SRD5A2: variants seen among roughly 807,000 people sequenced by gnomAD.
The protein encoded by SRD5A2 is steroid 5 alpha-reductase 2, also known as 3-oxo-5-alpha-steroid 4-dehydrogenase 2.
Under a neutral mutation model 27.4 loss-of-function variants are expected in SRD5A2, and 30 were observed. The observed-to-expected ratio is 1.10, with a 90% confidence interval of 0.82 to 1.49. The LOEUF is 1.49. Among genes scored for constraint, SRD5A2 ranks in the 40% most tolerant of loss-of-function variants. The pLI, the probability that SRD5A2 is intolerant of heterozygous loss-of-function variation, is 0.00. For missense variants in SRD5A2, 348 were observed against 323.4 expected (o/e 1.08, Z -0.58); for synonymous variants, 141 against 133.6 (o/e 1.06, Z -0.38).
At chr2:31,647,039 G>A in the SRD5A2 span, among the ~76,000 whole-genome samples, 1 of 152,018 alleles carries the variant, frequency 6.6e-6, no homozygotes, top group African/African-American at 2.4e-5. Context: ...CAGCTACTTG[G>A]CAGGCTGAGG....
the SRD5A2 span, among the ~76,000 whole-genome samples, chr2:31,611,133 G>C: frequency 5.9e-5 from 9 of 151,984 alleles, no homozygotes; most frequent in Admixed American, 2.0e-4. Context: ...ATTAAAAAAA[G>C]ATAAAGTCAG....
At chr2:31,553,997 C>G (rs531910412) in intron 1 of SRD5A2, among the ~76,000 whole-genome samples, 2 of 152,178 alleles carry the variant, frequency 1.3e-5, no homozygotes, top group Non-Finnish European at 1.5e-5. Context: ...AAAAATAAAC[C>G]TTTTGGAGCA....
At chr2:31,609,852 G>T in the SRD5A2 span, among the ~76,000 whole-genome samples, 1 of 151,968 alleles carries the variant, frequency 6.6e-6, no homozygotes, top group African/African-American at 2.4e-5. Flanking sequence ...CTAGTATCTA[G>T]GATATGTATT....
chr2:31,565,488 A>G (rs1666711476), intron 1 of SRD5A2, among the ~76,000 whole-genome samples: 1 of 151,918 alleles, frequency 6.6e-6, no homozygotes, highest in Admixed American at 6.6e-5. Context: ...ACAGATTAAA[A>G]GTAAAATGTT....
At chr2:31,587,562 G>C in the SRD5A2 span, among the ~76,000 whole-genome samples, 6 of 152,136 alleles carry the variant, frequency 3.9e-5, no homozygotes, top group African/African-American at 1.4e-4. Context: ...GGAATACTAT[G>C]CAGCCATAAA....
rs983201308 is a variant in SRD5A2, at chr2:31,524,723, C to T, written c.*1473G>A. 1.3e-5 allele frequency: 3 copies of T among 230,544 alleles called. No individual in the cohort carries two copies. Among genetic ancestry groups the T allele is most frequent in the Admixed American group, 1.1e-4 (2 of 17,674 alleles). 14.3% of individuals were successfully genotyped at this position (230,544 alleles called of 1,614,324 possible). ...ATATAGTGAGTTTCTGTGCTTAGTACCACTGGTGCTCATTTGTCAAAACAG... is the reference window on the plus strand; with the variant it reads ...ATATAGTGAGTTTCTGTGCTTAGTATCACTGGTGCTCATTTGTCAAAACAG... On this transcript the variant is annotated 3_prime_UTR_variant, in exon 5 of 5. Transcript: ENST00000622030.
the SRD5A2 span, among the ~76,000 whole-genome samples, chr2:31,638,992 C>A: frequency 6.6e-6 from 1 of 151,894 alleles, no homozygotes; most frequent in Non-Finnish European, 1.5e-5. Context: ...ATCTCTCTTC[C>A]CCCCTTCTTT....
the SRD5A2 span, among the ~76,000 whole-genome samples, chr2:31,619,957 G>A: frequency 6.6e-6 from 1 of 152,042 alleles, no homozygotes; most frequent in African/African-American, 2.4e-5. Context: ...GATCTCATTT[G>A]TCAATTTTTG....
chr2:31,554,775 T>C (rs1481516725), intron 1 of SRD5A2, among the ~76,000 whole-genome samples: 1 of 152,136 alleles, frequency 6.6e-6, no homozygotes, highest in Non-Finnish European at 1.5e-5. Context: ...ATTACTCAAA[T>C]GGTAGAAATT....
the SRD5A2 span, among the ~76,000 whole-genome samples, chr2:31,604,075 G>C: frequency 6.6e-6 from 1 of 151,724 alleles, no homozygotes; most frequent in African/African-American, 2.4e-5. Flanking sequence ...TTTTTAAAAA[G>C]TCAATGTTTC....
At position 31,533,634 on chromosome 2, in the gene SRD5A2, A is replaced by G; in HGVS notation, c.414T>C (p.Asp138=). The change falls in exon 2 of 5, where the codon GAT becomes GAC. Residue 138 remains aspartate, a synonymous_variant. Coordinates refer to ENST00000622030, the MANE Select transcript of SRD5A2 (RefSeq NM_000348.4). The part of the protein sequence containing the change: ...YYLIYCAEYP[D]GWYTDIRFSL... Reference sequence around the variant, plus strand: ...TAAACCGTATGTCTGTGTACCACCCATCAGGGTATTCAGCACAGTAAATCA... The same window carrying G: ...TAAACCGTATGTCTGTGTACCACCCGTCAGGGTATTCAGCACAGTAAATCA... 6.4e-7 allele frequency: 1 copy of G among 1,553,766 alleles called. No homozygotes were observed. Among genetic ancestry groups the G allele is most frequent in the Non-Finnish European group, 8.7e-7 (1 of 1,148,114 alleles).
At chr2:31,556,085 AG>A (rs1271941593) in intron 1 of SRD5A2, among the ~76,000 whole-genome samples, 39 of 152,242 alleles carry the variant, frequency 2.6e-4, no homozygotes, top group Admixed American at 1.7e-3. Context: ...TATATGCCAA[AG>A]GCCATTGGGC....
chr2:31,621,681 G>C, the SRD5A2 span, among the ~76,000 whole-genome samples: 1 of 152,106 alleles, frequency 6.6e-6, no homozygotes, highest in Non-Finnish European at 1.5e-5. Context: ...ACCCAGACTA[G>C]AGTGCAGTGC....
At chr2:31,635,981 G>C in the SRD5A2 span, among the ~76,000 whole-genome samples, 1 of 151,906 alleles carries the variant, frequency 6.6e-6, no homozygotes, top group African/African-American at 2.4e-5. Context: ...GTAGTGTAAG[G>C]CTTCTAGCTT....
chr2:31,629,613 G>T, the SRD5A2 span, among the ~76,000 whole-genome samples: 1 of 152,092 alleles, frequency 6.6e-6, no homozygotes, highest in African/African-American at 2.4e-5. Flanking sequence ...CCTAGAACCA[G>T]CTTCCACTTT....
At chr2:31,593,304 T>A in the SRD5A2 span, among the ~76,000 whole-genome samples, 2 of 151,686 alleles carry the variant, frequency 1.3e-5, no homozygotes, top group Non-Finnish European at 2.9e-5. Context: ...AAAATATGGA[T>A]GAAAAATTCT....
chr2:31,597,509 T>C, the SRD5A2 span, among the ~76,000 whole-genome samples: 2 of 151,044 alleles, frequency 1.3e-5, no homozygotes, highest in African/African-American at 2.4e-5. Context: ...ATCAGCAGAG[T>C]AAACAGGCAA....
the SRD5A2 span, among the ~76,000 whole-genome samples, chr2:31,659,904 CTTT>C: frequency 1.3e-5 from 2 of 152,060 alleles, no homozygotes; most frequent in South Asian, 4.2e-4. Context: ...CACTGATAGT[CTTT>C]TTATTTTTCA....
chr2:31,659,972 T>C, the SRD5A2 span, among the ~76,000 whole-genome samples: 4 of 152,238 alleles, frequency 2.6e-5, no homozygotes, highest in East Asian at 3.9e-4. Flanking sequence ...CTATTTTTTC[T>C]AGCTCATTAA....
Sources: allele counts gnomAD v4.1 joint callset (sites outside exome capture counted in the v4.1 genomes callset), GRCh38; gene constraint gnomAD v4.1.1; transcripts MANE v1.5; gene names NCBI Gene and HGNC (gene_info 2026-07-23, HGNC 2026-07-21).